The following CHD6 variants were observed in gnomAD, a reference collection of about 807,000 sequenced individuals.
The protein encoded by CHD6 is chromodomain helicase DNA binding protein 6, also known as ATP-dependent chromatin remodeler CHD6.
CHD6 carries 50 observed loss-of-function variants against 276.9 expected under a neutral mutation model. The observed-to-expected ratio is 0.18, with a 90% CI of 0.14 to 0.23. CHD6 has a LOEUF of 0.23. CHD6 is among the 10% of genes least tolerant of loss of function. CHD6 has a pLI of 1.00. For missense variants in CHD6, 2,564 were observed against 3,365.8 expected (o/e 0.76, Z 5.89); for synonymous variants, 1,173 against 1,229.3 (o/e 0.95, Z 0.96).
In CHD6 at chr20:41,423,766, T is replaced by C. The variant is rs1012440113; in HGVS notation, c.4347-66A>G. On this transcript the variant is annotated intron_variant, in intron 29 of 36. Transcript: ENST00000373233. ...TTTTTTTAAAGCCAATAACTGCTTA[T>C]TGAGAGCCTACTATGAGAGCCCATA... 26 of 1,286,614 alleles carry C rather than the reference T, an allele frequency of 2.0e-5. No homozygotes were observed. The Middle Eastern group carries it at 9.6e-4, about 47-fold the overall frequency. 79.7% of individuals were successfully genotyped at this position (1,286,614 alleles called of 1,614,324 possible).
chr20:41,457,848 G>A (rs930637767), intron 17 of CHD6, among the ~76,000 whole-genome samples: 2 of 152,062 alleles, frequency 1.3e-5, no homozygotes, highest in Non-Finnish European at 2.9e-5. Flanking sequence ...CAAAATATAG[G>A]GAAGTATAAT....
intron 14 of CHD6, among the ~76,000 whole-genome samples, chr20:41,486,416 G>A (rs932961346): frequency 6.6e-6 from 1 of 152,134 alleles, no homozygotes; most frequent in Non-Finnish European, 1.5e-5. Flanking sequence ...GTCCAAAAAC[G>A]GAGAGAAGGT....
At position 41,558,718 on chromosome 20, in the gene CHD6, C is replaced by G. The variant is rs150169925; in HGVS notation, c.-23-7358G>C. 5.6e-3 allele frequency among the ~76,000 whole-genome samples: 847 copies of G among 152,264 alleles called. 8 individuals carry two copies. Among genetic ancestry groups the G allele is most frequent in the Middle Eastern group, 0.024 (7 of 294 alleles). On this transcript the variant is annotated intron_variant, in intron 1 of 36. Transcript: ENST00000373233. ...TATTTGAGATCCACCCTCTCTCCCCCTTCTCAGTCACCTCAGTCTCTTGAT... is the reference window on the plus strand; with the variant it reads ...TATTTGAGATCCACCCTCTCTCCCCGTTCTCAGTCACCTCAGTCTCTTGAT...
intron 1 of CHD6, among the ~76,000 whole-genome samples, chr20:41,564,381 A>T (rs1011084519): frequency 6.6e-6 from 1 of 152,248 alleles, no homozygotes; most frequent in Admixed American, 6.5e-5. Context: ...CACAACATGG[A>T]TGAATCTCAA....
At chr20:41,475,884 T>C (rs1179215658) in intron 16 of CHD6, among the ~76,000 whole-genome samples, 1 of 152,230 alleles carries the variant, frequency 6.6e-6, no homozygotes, top group Non-Finnish European at 1.5e-5. Context: ...TAAAATTAGA[T>C]AAGTGTTTTT....
chr20:41,559,488 G>T (rs368164608), intron 1 of CHD6, among the ~76,000 whole-genome samples: 1 of 152,144 alleles, frequency 6.6e-6, no homozygotes, highest in Non-Finnish European at 1.5e-5. Flanking sequence ...TTTAGGCTTT[G>T]AGTGCTTTGC....
rs2043566296 is a variant in CHD6, at chr20:41,491,948, G to A, written c.1315-129C>T. 2.2e-5 allele frequency: 21 copies of A among 975,520 alleles called. 1 individual carries two copies. The South Asian group carries it at 3.2e-4, about 15-fold the overall frequency. 60.4% of individuals were successfully genotyped at this position (975,520 alleles called of 1,614,324 possible). Reference sequence around the variant, plus strand: ...TTTCAAACTATAGTTATTACCTTCTGAGTAACGTATAGGTTGGGGGAACTA... The same window carrying A: ...TTTCAAACTATAGTTATTACCTTCTAAGTAACGTATAGGTTGGGGGAACTA... On this transcript the variant is annotated intron_variant, in intron 10 of 36. Coordinates refer to ENST00000373233, the MANE Select transcript of CHD6 (RefSeq NM_032221.5).
At chr20:41,570,057 G>A (rs2045400769) in intron 1 of CHD6, among the ~76,000 whole-genome samples, 1 of 152,164 alleles carries the variant, frequency 6.6e-6, no homozygotes, top group Admixed American at 6.5e-5. Flanking sequence ...CCAGTTTGGA[G>A]TACAACAAAT....
intron 3 of CHD6, among the ~76,000 whole-genome samples, chr20:41,519,995 C>CA (rs1171341395): frequency 6.6e-6 from 1 of 152,060 alleles, no homozygotes; most frequent in Non-Finnish European, 1.5e-5. Flanking sequence ...ACAACCCCAT[C>CA]AAAAAATGGG....
At chr20:41,557,773 G>T (rs537743964) in intron 1 of CHD6, among the ~76,000 whole-genome samples, 2 of 152,088 alleles carry the variant, frequency 1.3e-5, no homozygotes, top group Non-Finnish European at 2.9e-5. Context: ...CTGTTAACAG[G>T]CCCCTATCCC....
intron 1 of CHD6, among the ~76,000 whole-genome samples, chr20:41,596,125 C>A (rs1266825997): frequency 6.6e-6 from 1 of 152,202 alleles, no homozygotes; most frequent in Non-Finnish European, 1.5e-5. Flanking sequence ...ACCCCACATT[C>A]CTATGGAGTA....
chr20:41,537,870 T>C (rs1018850616), intron 2 of CHD6, among the ~76,000 whole-genome samples: 9 of 140,520 alleles, frequency 6.4e-5, no homozygotes, highest in South Asian at 2.3e-4. Flanking sequence ...AATTCCATCA[T>C]AGATACACAC....
chr20:41,521,869 C>A (rs369513937), intron 3 of CHD6, among the ~76,000 whole-genome samples: 1 of 152,112 alleles, frequency 6.6e-6, no homozygotes, highest in South Asian at 2.1e-4. Context: ...GCTTTCGTTG[C>A]CCAAAACTGA....
intron 29 of CHD6, among the ~76,000 whole-genome samples, chr20:41,424,478 T>C (rs1010485179): frequency 1.3e-5 from 2 of 152,186 alleles, no homozygotes; most frequent in Non-Finnish European, 2.9e-5. Context: ...TGGCTCTGGT[T>C]CTTCTCTTTA....
chr20:41,563,990 T>G (rs1482608514), intron 1 of CHD6: 1 of 766,160 alleles, frequency 1.3e-6, no homozygotes, highest in Non-Finnish European at 2.4e-6. Flanking sequence ...TTTAATGTCT[T>G]TTGTGGTAGA....
chr20:41,465,399 T>C (rs1314263214), intron 17 of CHD6, among the ~76,000 whole-genome samples: 1 of 152,170 alleles, frequency 6.6e-6, no homozygotes, highest in Non-Finnish European at 1.5e-5. Context: ...CATAACCTCG[T>C]ATCTCACCAT....
chr20:41,542,321 G>A (rs2044958719), intron 2 of CHD6, among the ~76,000 whole-genome samples: 1 of 152,132 alleles, frequency 6.6e-6, no homozygotes. Context: ...GCTACCAGAG[G>A]CCCTAGGCCC....
At chr20:41,447,596 T>C (rs1007364310) in intron 24 of CHD6, among the ~76,000 whole-genome samples, 4 of 152,334 alleles carry the variant, frequency 2.6e-5, no homozygotes, top group Middle Eastern at 3.4e-3. Context: ...CTACAGTAAA[T>C]GACTGTTTTA....
intron 1 of CHD6, among the ~76,000 whole-genome samples, chr20:41,571,490 C>T (rs1006022983): frequency 6.7e-6 from 1 of 149,856 alleles, no homozygotes; most frequent in African/African-American, 2.5e-5. Flanking sequence ...CCTCCCGGTT[C>T]AAGTGATTCT....
Sources: allele counts gnomAD v4.1 joint callset (sites outside exome capture counted in the v4.1 genomes callset), GRCh38; gene constraint gnomAD v4.1.1; transcripts MANE v1.5; gene names NCBI Gene and HGNC (gene_info 2026-07-23, HGNC 2026-07-21).